Variants in CTNNA2 observed in about 807,000 individuals in gnomAD.
CTNNA2 encodes the protein catenin alpha-2.
A neutral mutation model predicts 101.0 loss-of-function variants in CTNNA2; 42 were observed. The ratio of observed to expected loss-of-function variants is 0.42; its 90% CI spans 0.32 to 0.54. The LOEUF (loss-of-function observed/expected upper bound fraction) is 0.54. Among genes scored for constraint, CTNNA2 ranks in the 20% least tolerant of loss-of-function variants. The pLI, the probability that CTNNA2 is intolerant of heterozygous loss-of-function variation, is 0.14. For synonymous variants in CTNNA2, 450 were observed against 456.4 expected (o/e 0.99, Z 0.18); for missense variants, 871 against 1,223.1 (o/e 0.71, Z 4.29).
At chr2:80,388,861 A>G (rs1677252873) in intron 7 of CTNNA2, among the ~76,000 whole-genome samples, 1 of 152,170 alleles carries the variant, frequency 6.6e-6, no homozygotes, top group African/African-American at 2.4e-5. Context: ...ACTCCTAGGG[A>G]ACTAGAATGT....
At chr2:79,808,992 A>G (rs1574022593) in intron 3 of CTNNA2, among the ~76,000 whole-genome samples, 1 of 152,018 alleles carries the variant, frequency 6.6e-6, no homozygotes, top group African/African-American at 2.4e-5. Flanking sequence ...CCCTGTGTCC[A>G]TGTGTTCTCA....
intron 9 of CTNNA2, among the ~76,000 whole-genome samples, chr2:80,478,734 A>G (rs563838681): frequency 5.9e-5 from 9 of 152,016 alleles, no homozygotes; most frequent in Non-Finnish European, 8.8e-5. Context: ...TCATTGGTCT[A>G]TGTGTCTCCT....
chr2:80,368,863 G>GTATATA (rs1302430586), intron 7 of CTNNA2, among the ~76,000 whole-genome samples: 1 of 124,868 alleles, frequency 8.0e-6, no homozygotes, highest in Non-Finnish European at 1.6e-5. Context: ...GTGTGTGTGT[G>GTATATA]TGTGTATATA....
chr2:79,345,433 G>T (rs185104619), intron 3 of CTNNA2, among the ~76,000 whole-genome samples: 5 of 152,244 alleles, frequency 3.3e-5, no homozygotes, highest in Non-Finnish European at 7.4e-5. Context: ...CAGTAACAGT[G>T]TGATTATTCA....
intron 2 of CTNNA2, among the ~76,000 whole-genome samples, chr2:79,739,299 A>G (rs2104962348): frequency 6.6e-6 from 1 of 152,300 alleles, no homozygotes; most frequent in East Asian, 1.9e-4. Flanking sequence ...ACATATTCTC[A>G]GTGTTTGCTT....
intron 8 of CTNNA2, among the ~76,000 whole-genome samples, chr2:80,406,153 C>T (rs1176661343): frequency 1.3e-5 from 2 of 151,910 alleles, no homozygotes; most frequent in East Asian, 3.9e-4. Flanking sequence ...GTCAGGAGAT[C>T]GAGAACATCT....
intron 7 of CTNNA2, among the ~76,000 whole-genome samples, chr2:79,939,376 T>C (rs567948077): frequency 2.6e-5 from 4 of 152,328 alleles, no homozygotes; most frequent in Non-Finnish European, 5.9e-5. Flanking sequence ...CCTGTTTACA[T>C]TGGAATAAAT....
intron 1 of CTNNA2, among the ~76,000 whole-genome samples, chr2:79,531,442 A>G (rs1672738087): frequency 6.6e-6 from 1 of 151,834 alleles, no homozygotes; most frequent in African/African-American, 2.4e-5. Flanking sequence ...GAAATAATCA[A>G]ATGCTATGGT....
chr2:80,607,017 G>GA (rs1392251300), intron 16 of CTNNA2, among the ~76,000 whole-genome samples: 1 of 151,780 alleles, frequency 6.6e-6, no homozygotes, highest in African/African-American at 2.4e-5. Flanking sequence ...TGCAGTTAGT[G>GA]AAAAAATACC....
At chr2:79,510,646 C>T (rs1329024757), upstream of CTNNA2, among the ~76,000 whole-genome samples, 2 of 152,210 alleles carry the variant, frequency 1.3e-5, no homozygotes, top group Non-Finnish European at 2.9e-5. Flanking sequence ...TTTCTTATCA[C>T]TGTCTGATTG....
chr2:80,644,625 C>T (rs1041442215), intron 18 of CTNNA2, among the ~76,000 whole-genome samples: 2 of 152,134 alleles, frequency 1.3e-5, no homozygotes, highest in East Asian at 3.9e-4. Flanking sequence ...GAAAGTGCAT[C>T]TACAGAAAAG....
chr2:79,955,855 T>C (rs1035982322), intron 7 of CTNNA2, among the ~76,000 whole-genome samples: 1 of 152,080 alleles, frequency 6.6e-6, no homozygotes, highest in African/African-American at 2.4e-5. Flanking sequence ...GCTGCTCCCA[T>C]GGACATCACC....
intron 3 of CTNNA2, among the ~76,000 whole-genome samples, chr2:79,756,854 T>C (rs1672434898): frequency 6.6e-6 from 1 of 152,094 alleles, no homozygotes; most frequent in Admixed American, 6.5e-5. Flanking sequence ...GAAATGCAAA[T>C]TAAACAACAA....
chr2:79,885,715 G>A (rs931402902), intron 6 of CTNNA2, among the ~76,000 whole-genome samples: 7 of 152,212 alleles, frequency 4.6e-5, no homozygotes, highest in Admixed American at 6.5e-5. Context: ...ACATTAGAAT[G>A]AAGGTGAAGA....
chr2:80,607,955 T>C (rs1698161203), intron 16 of CTNNA2, among the ~76,000 whole-genome samples: 2 of 151,874 alleles, frequency 1.3e-5, no homozygotes, highest in Non-Finnish European at 2.9e-5. Context: ...CCAATAAAAC[T>C]TTCTGGAATA....
At chr2:80,295,901 A>C (rs1025988596) in intron 7 of CTNNA2, among the ~76,000 whole-genome samples, 1 of 152,264 alleles carries the variant, frequency 6.6e-6, no homozygotes, top group Middle Eastern at 3.4e-3. Flanking sequence ...AACCTCACTC[A>C]TCTGTGTTGC....
intron 18 of CTNNA2, among the ~76,000 whole-genome samples, chr2:80,638,350 GCTCTT>G (rs1673092436): frequency 3.3e-5 from 5 of 152,246 alleles, no homozygotes; most frequent in Middle Eastern, 3.4e-3. Context: ...AAGCCCATTG[GCTCTT>G]CTCTTTGTTG....
intron 6 of CTNNA2, among the ~76,000 whole-genome samples, chr2:79,886,676 G>C (rs1423445370): frequency 7.0e-6 from 1 of 142,346 alleles, no homozygotes; most frequent in Admixed American, 7.1e-5. Context: ...GCATGAACCC[G>C]GGAGGCAGAG....
chr2:80,014,753 G>T (rs1238919639), intron 7 of CTNNA2, among the ~76,000 whole-genome samples: 2 of 152,228 alleles, frequency 1.3e-5, no homozygotes, highest in East Asian at 1.9e-4. Flanking sequence ...AAAGAAATTT[G>T]CAGACTTTAT....
Sources: allele counts gnomAD v4.1 joint callset (sites outside exome capture counted in the v4.1 genomes callset), GRCh38; gene constraint gnomAD v4.1.1; transcripts MANE v1.5; gene names NCBI Gene and HGNC (gene_info 2026-07-23, HGNC 2026-07-21).